PIAS1: variants seen among roughly 807,000 people sequenced by gnomAD.
PIAS1 encodes the protein E3 SUMO-protein ligase PIAS1.
In PIAS1, 6 loss-of-function variants were observed where a neutral mutation model predicts 71.3. The observed-to-expected ratio is 0.08, with a 90% CI of 0.05 to 0.17. The LOEUF is 0.17. PIAS1 is among the 10% of genes least tolerant of loss of function. The pLI is 1.00. For missense variants in PIAS1, 555 were observed against 793.6 expected (o/e 0.70, Z 3.61); for synonymous variants, 303 against 292.9 (o/e 1.03, Z -0.35).
At chr15:68,146,261 T>G (rs777980339) in intron 5 of PIAS1, among the ~76,000 whole-genome samples, 24 of 152,208 alleles carry the variant, frequency 1.6e-4, no homozygotes, top group Non-Finnish European at 2.8e-4. Flanking sequence ...GGACTGTTTT[T>G]GGTGCCCTTG....
chr15:68,095,562 G>A (rs1490335572), intron 2 of PIAS1, among the ~76,000 whole-genome samples: 1 of 137,588 alleles, frequency 7.3e-6, no homozygotes, highest in Non-Finnish European at 1.5e-5. Flanking sequence ...ATGGAGTCTC[G>A]CTCTGTCACC....
intron 2 of PIAS1, among the ~76,000 whole-genome samples, chr15:68,092,310 G>T (rs888063926): frequency 2.0e-5 from 3 of 151,966 alleles, no homozygotes; most frequent in Admixed American, 2.0e-4. Flanking sequence ...TAGCTGGGAC[G>T]ACAGGCAGGA....
chr15:68,119,441 TA>T (rs34002633), intron 2 of PIAS1, among the ~76,000 whole-genome samples: 48 of 141,290 alleles, frequency 3.4e-4, no homozygotes, highest in South Asian at 8.9e-4. Flanking sequence ...CAAAACTCCA[TA>T]AAAAAAAAAA....
intron 2 of PIAS1, among the ~76,000 whole-genome samples, chr15:68,118,796 A>C (rs1347125150): frequency 3.3e-5 from 5 of 152,218 alleles, no homozygotes; most frequent in Admixed American, 3.3e-4. Context: ...AAATATCTAA[A>C]TTCAAAGTGA....
At chr15:68,132,065 AAAAG>A (rs1045773395) in intron 2 of PIAS1, among the ~76,000 whole-genome samples, 2 of 151,912 alleles carry the variant, frequency 1.3e-5, no homozygotes, top group Admixed American at 6.6e-5. Context: ...AGAAAAGAAA[AAAAG>A]AAAGAAGAAC....
At chr15:68,142,489 T>C (rs572519447) in intron 4 of PIAS1, 152 bp downstream of exon 4, 1 of 558,686 alleles carries the variant, frequency 1.8e-6, no homozygotes, top group Non-Finnish European at 3.2e-6. Context: ...GGAAAAAAAA[T>C]TTTAAGGAAT....
At position 68,173,331 on chromosome 15, in the gene PIAS1, C is replaced by T. The variant is rs1342843474; in HGVS notation, c.1009-401C>T. On this transcript the variant is annotated intron_variant, in intron 8 of 13. Transcript: ENST00000249636. The surrounding 1 kb of genome is among the most constrained non-coding windows in gnomAD (Gnocchi z 4.3). Reference sequence around the variant, plus strand: ...GATTGTGCCTGTGAATAAGAGTTGGCACTTCAGCCTGGGCAATATAGCAAG... The same window carrying T: ...GATTGTGCCTGTGAATAAGAGTTGGTACTTCAGCCTGGGCAATATAGCAAG... Among the ~76,000 whole-genome samples the T allele has an allele frequency of 6.6e-6, 1 of 151,668 alleles. No homozygotes were observed. The highest frequency in any genetic ancestry group is 1.9e-4 in the East Asian group (1 of 5,154).
chr15:68,067,127 G>T (rs1567024886), intron 1 of PIAS1, among the ~76,000 whole-genome samples: 1 of 152,190 alleles, frequency 6.6e-6, no homozygotes, highest in Non-Finnish European at 1.5e-5. Flanking sequence ...TGAGTCTGGA[G>T]CCTCTCTGGT....
intron 1 of PIAS1, among the ~76,000 whole-genome samples, chr15:68,072,092 G>A (rs2092103490): frequency 6.6e-6 from 1 of 151,220 alleles, no homozygotes; most frequent in South Asian, 2.1e-4. Context: ...CTGTGTAAGA[G>A]AGTAATAAGA....
intron 2 of PIAS1, among the ~76,000 whole-genome samples, chr15:68,129,052 T>C (rs2092671409): frequency 6.6e-6 from 1 of 152,140 alleles, no homozygotes. Context: ...CTTATAAATA[T>C]TAGAGGATAC....
chr15:68,109,694 T>C (rs2092505178), intron 2 of PIAS1, among the ~76,000 whole-genome samples: 1 of 152,220 alleles, frequency 6.6e-6, no homozygotes, highest in South Asian at 2.1e-4. Flanking sequence ...AATGCCTTAT[T>C]CAGCCCTTGA....
chr15:68,080,112 C>T (rs940942241), intron 1 of PIAS1, among the ~76,000 whole-genome samples: 1 of 152,082 alleles, frequency 6.6e-6, no homozygotes, highest in African/African-American at 2.4e-5. Flanking sequence ...GATTACAGGC[C>T]TGAGCCACTG....
At chr15:68,141,430 A>T (rs1176206151) in intron 2 of PIAS1, among the ~76,000 whole-genome samples, 4 of 152,114 alleles carry the variant, frequency 2.6e-5, no homozygotes, top group Non-Finnish European at 1.5e-5. Flanking sequence ...ATCTAAGATT[A>T]GGAGAAAAAC....
At chr15:68,076,735 C>T (rs926912646) in intron 1 of PIAS1, among the ~76,000 whole-genome samples, 5 of 151,938 alleles carry the variant, frequency 3.3e-5, no homozygotes, top group African/African-American at 1.2e-4. Context: ...ATATATGACA[C>T]GGAACTGGAA....
At chr15:68,162,122 G>A (rs527971636) in intron 7 of PIAS1, among the ~76,000 whole-genome samples, 6 of 151,948 alleles carry the variant, frequency 3.9e-5, no homozygotes, top group African/African-American at 1.2e-4. Context: ...CCCATTTACC[G>A]GATGATGTAA....
chr15:68,149,445 T>C (rs2092831268), intron 6 of PIAS1, among the ~76,000 whole-genome samples: 1 of 152,018 alleles, frequency 6.6e-6, no homozygotes, highest in Non-Finnish European at 1.5e-5. Flanking sequence ...TTGGATGAGA[T>C]TTCTTTAAAG....
At chr15:68,095,404 G>T (rs986733959) in intron 2 of PIAS1, among the ~76,000 whole-genome samples, 9 of 151,936 alleles carry the variant, frequency 5.9e-5, no homozygotes, top group Non-Finnish European at 8.8e-5. Context: ...GTCATCATGG[G>T]GTAGATAGGA....
At chr15:68,146,436 G>GCTTCT (rs2092808579) in intron 5 of PIAS1, 130 bp from the exon 6 acceptor site, 3 of 657,012 alleles carry the variant, frequency 4.6e-6, no homozygotes, top group Non-Finnish European at 7.8e-6. Flanking sequence ...GTAAATGTTT[G>GCTTCT]CTTCTCTACT....
At chr15:68,085,085 G>GAATT (rs1297116585) in intron 1 of PIAS1, among the ~76,000 whole-genome samples, 1 of 152,178 alleles carries the variant, frequency 6.6e-6, no homozygotes, top group Admixed American at 6.5e-5. Flanking sequence ...AACCCTTAGA[G>GAATT]AATTGGCTGG....
Sources: allele counts gnomAD v4.1 joint callset (sites outside exome capture counted in the v4.1 genomes callset), GRCh38; gene constraint gnomAD v4.1.1; non-coding constraint Gnocchi (gnomAD v3.1); transcripts MANE v1.5; gene names NCBI Gene and HGNC (gene_info 2026-07-23, HGNC 2026-07-21).